The following OR8D4 variants were observed in gnomAD, a reference collection of about 807,000 sequenced individuals.
The protein encoded by OR8D4 is olfactory receptor family 8 subfamily D member 4, also known as olfactory receptor 8D4.
For missense variants in OR8D4, 359 were observed against 372.6 expected (o/e 0.96, Z 0.30); for synonymous variants, 141 against 134.8 (o/e 1.05, Z -0.32).
Position 123,907,445 on chromosome 11 carries a change from C to A in OR8D4, c.*69C>A. 1 of 723,946 alleles carries A rather than the reference C, an allele frequency of 1.4e-6. No individual in the cohort carries two copies. The highest frequency in any genetic ancestry group is 2.2e-6 in the Non-Finnish European group (1 of 454,388). 44.8% of individuals were successfully genotyped at this position (723,946 alleles called of 1,614,324 possible). A position where few individuals can be genotyped will look rare whatever the true frequency, so the allele number is the denominator to read the frequency against. ...TTATATGTATATATTTATACCTTGA[C>A]TATTTAAAAGTAATTTGAGGTCCAG... On this transcript the variant is annotated 3_prime_UTR_variant, in exon 2 of 2. Coordinates refer to ENST00000641687, the MANE Select transcript of OR8D4 (RefSeq NM_001005197.2).
intron 1 of OR8D4, among the ~76,000 whole-genome samples, chr11:123,905,511 C>A (rs576866052): frequency 6.6e-6 from 1 of 152,220 alleles, no homozygotes; most frequent in East Asian, 1.9e-4. Context: ...TAATGTAACA[C>A]CTTTTAACAT....
At chr11:123,906,049 A>G (rs76789350) in intron 1 of OR8D4, 37,075 of 178,464 alleles carry the variant, frequency 0.21, 4,237 homozygotes, top group African/African-American at 0.3. Context: ...GTATTTTCCT[A>G]CTTTCTCTAA....
Position 123,906,829 on chromosome 11 carries a change from G to A in OR8D4, c.398G>A (p.Arg133Lys), listed in dbSNP as rs7926767. 1,113,649 of 1,613,426 alleles carry A rather than the reference G, an allele frequency of 0.69. 385,844 individuals carry two copies. The highest frequency in any genetic ancestry group is 0.82 in the Admixed American group (49,235 of 59,988). ...GCCATCTGCAGCCCACTGCTCTACA[G>A]GGTCATCATGTCCCCTAGGGTCTGT... ...YVAICSPLLY[R>K]VIMSPRVCSL... The change falls in exon 2 of 2, where the codon AGG becomes AAG. Residue 133 changes from arginine (R) to lysine (K), a missense_variant. Coordinates refer to ENST00000641687, the MANE Select transcript of OR8D4 (RefSeq NM_001005197.2).
rs780085052 is a variant in OR8D4 at position 123,907,396 on chromosome 11, C to A, written c.*20C>A. The A allele has an allele frequency of 1.5e-5, 15 of 969,774 alleles. No individual in the cohort carries two copies. The East Asian group carries it at 3.5e-4, about 22-fold the overall frequency. The allele number at this position is 969,774 out of a possible 1,614,324, so 60.1% of individuals were successfully genotyped here. A position where few individuals can be genotyped will look rare whatever the true frequency, so the allele number is the denominator to read the frequency against. ...GGATAAATATGCTCTTTATTAAGAT[C>A]TATTTCTGTATTCATAATCATGATT... On this transcript the variant is annotated 3_prime_UTR_variant, in exon 2 of 2. Coordinates refer to ENST00000641687, the MANE Select transcript of OR8D4 (RefSeq NM_001005197.2).
At position 123,907,324 on chromosome 11, in the gene OR8D4, G is replaced by A. The variant is rs7927385; in HGVS notation, c.893G>A (p.Arg298Lys). 0.68 allele frequency: 1,039,243 copies of A among 1,517,608 alleles called. 357,836 individuals are homozygous for A. Among genetic ancestry groups the A allele is most frequent in the Admixed American group, 0.81 (42,480 of 52,352 alleles). 94.0% of individuals were successfully genotyped at this position (1,517,608 alleles called of 1,614,324 possible). The stretch of plus-strand genomic sequence containing the variant: ...TATAGTCTGAGGAACAATGAAGTAA[G>A]AAATGCTCTGATGAAACTTTTAAGA... ...LIYSLRNNEVRNALMKLLRRK... is the reference protein window; with the variant it reads ...LIYSLRNNEVKNALMKLLRRK... The change falls in exon 2 of 2, where the codon AGA (arginine) becomes AAA (lysine). Residue 298 changes from arginine (R) to lysine (K), a missense_variant. Transcript: ENST00000641687.
chr11:123,903,761 A>C (rs1433752324), intron 1 of OR8D4, among the ~76,000 whole-genome samples: 3 of 152,200 alleles, frequency 2.0e-5, no homozygotes, highest in South Asian at 4.1e-4. Flanking sequence ...AACAGAATAC[A>C]ATTTGTTGCA....
Position 123,909,071 on chromosome 11 carries a change from G to A in OR8D4, c.*1695G>A, listed in dbSNP as rs1315822614. 6.6e-6 allele frequency: 1 copy of A among 152,196 alleles called. No homozygotes were observed. The highest frequency in any genetic ancestry group is 1.5e-5 in the Non-Finnish European group (1 of 68,022). 9.4% of individuals were successfully genotyped at this position (152,196 alleles called of 1,614,324 possible). On this transcript the variant is annotated 3_prime_UTR_variant, in exon 2 of 2. Transcript: ENST00000641687. ...TAGATATTTATGTGTGTGTATGTTTGTGGGAAGGGTTAGATAGGGAAAGAT... is the reference window on the plus strand; with the variant it reads ...TAGATATTTATGTGTGTGTATGTTTATGGGAAGGGTTAGATAGGGAAAGAT...
intron 1 of OR8D4, among the ~76,000 whole-genome samples, chr11:123,903,993 G>A (rs1364143216): frequency 6.6e-6 from 1 of 152,142 alleles, no homozygotes; most frequent in Non-Finnish European, 1.5e-5. Context: ...GAAGATCGAT[G>A]ACTTCAGCTC....
Position 123,907,120 on chromosome 11 carries a change from C to G in OR8D4, c.689C>G (p.Ser230Cys). The G allele has an allele frequency of 6.2e-7, 1 of 1,614,006 alleles. No individual in the cohort carries two copies. Among genetic ancestry groups the G allele is most frequent in the Non-Finnish European group, 8.5e-7 (1 of 1,179,944 alleles). ...FILTSILRIH[S>C]KKGRCKAFST... is the part of the protein sequence containing the mutation. ...CTCACCAGCATCCTGCGCATCCACT[C>G]TAAAAAGGGCAGGTGCAAAGCGTTT... The change falls in exon 2 of 2, where the codon TCT (serine) becomes TGT (cysteine). Residue 230 changes from serine to cysteine, a missense_variant. Transcript: ENST00000641687.
At chr11:123,905,851 C>T (rs1325120826) in intron 1 of OR8D4, among the ~76,000 whole-genome samples, 1 of 152,172 alleles carries the variant, frequency 6.6e-6, no homozygotes, top group Non-Finnish European at 1.5e-5. Context: ...GCACAAATAA[C>T]TCACAGTCTT....
chr11:123,902,863 T>C (rs1466333630), intron 1 of OR8D4, among the ~76,000 whole-genome samples: 1 of 152,170 alleles, frequency 6.6e-6, no homozygotes, highest in Non-Finnish European at 1.5e-5. Context: ...TGGCCGGGTA[T>C]AAAATACACT....
At chr11:123,906,392 G>T in intron 1 of OR8D4, 25 bp from the exon 2 acceptor site, 1 of 1,306,406 alleles carries the variant, frequency 7.7e-7, no homozygotes, top group Non-Finnish European at 1.1e-6. Context: ...GATAGAATTT[G>T]ACTTTTTCTC....
rs1469374748 is a variant in OR8D4 at position 123,909,149 on chromosome 11, TTA to T, written c.*1775_*1776del. 3 of 152,158 alleles carry T rather than the reference TTA, an allele frequency of 2.0e-5. No homozygotes were observed. Among genetic ancestry groups the T allele is most frequent in the African/African-American group, 7.2e-5 (3 of 41,442 alleles). The allele number at this position is 152,158 out of a possible 1,614,324, so 9.4% of individuals were successfully genotyped here. ...GAGGGTACTTTTGATGCTGTTAAAC[TTA>T]TTTTGGTAAGAAACAATGTGATTTT... On this transcript the variant is annotated 3_prime_UTR_variant, in exon 2 of 2. Transcript: ENST00000641687.
chr11:123,904,216 G>C (rs1206998945), intron 1 of OR8D4, among the ~76,000 whole-genome samples: 1 of 152,128 alleles, frequency 6.6e-6, no homozygotes, highest in Non-Finnish European at 1.5e-5. Context: ...GTTTTAGAAA[G>C]TGAGAACACA....
rs1427168716 is a variant in OR8D4, at chr11:123,909,152, T to G, written c.*1776T>G. ...GGTACTTTTGATGCTGTTAAACTTATTTTGGTAAGAAACAATGTGATTTTA... is the reference window on the plus strand; with the variant it reads ...GGTACTTTTGATGCTGTTAAACTTAGTTTGGTAAGAAACAATGTGATTTTA... On this transcript the variant is annotated 3_prime_UTR_variant, in exon 2 of 2. Transcript: ENST00000641687. 2 of 152,102 alleles carry G rather than the reference T, an allele frequency of 1.3e-5. No individual in the cohort carries two copies. Among genetic ancestry groups the G allele is most frequent in the Admixed American group, 6.6e-5 (1 of 15,262 alleles). The allele number at this position is 152,102 out of a possible 1,614,324, so 9.4% of individuals were successfully genotyped here. A position where few individuals can be genotyped will look rare whatever the true frequency, so the allele number is the denominator to read the frequency against.
At chr11:123,906,029 C>G (rs1400419488) in intron 1 of OR8D4, 1 of 172,402 alleles carries the variant, frequency 5.8e-6, no homozygotes, top group African/African-American at 2.4e-5. Context: ...CTCGTTGTCT[C>G]CCTGGCAACG....
intron 1 of OR8D4, among the ~76,000 whole-genome samples, chr11:123,902,523 TTATAA>T (rs989201383): frequency 6.6e-6 from 1 of 152,184 alleles, no homozygotes; most frequent in African/African-American, 2.4e-5. Context: ...TATGTGAACC[TTATAA>T]TATGTAAAAT....
In OR8D4 at chr11:123,906,561, A is replaced by C. The variant is rs61734934; in HGVS notation, c.130A>C (p.Ser44Arg). 6.2e-4 allele frequency: 998 copies of C among 1,613,910 alleles called. 4 individuals carry two copies. In the African/African-American group the frequency reaches 0.011, roughly 17 times the overall value. Residue 44 changes from serine (S) to arginine (R), a missense_variant, in exon 2 of 2, where the codon AGC becomes CGC. Coordinates refer to ENST00000641687, the MANE Select transcript of OR8D4 (RefSeq NM_001005197.2). ...IYTVTVVGNL[S>R]MISIIRLNRQ... is the part of the protein sequence containing the mutation. ...CACAGTTACTGTGGTGGGAAACCTC[A>C]GCATGATCTCAATTATTAGGCTGAA...
chr11:123,906,725 G>A lies in OR8D4; in HGVS notation c.294G>A (p.Met98Ile). The part of the protein sequence containing the change: ...RDRSISYSGC[M>I]IQLFFFCVCV... ...GATCCATCTCCTATTCTGGATGCAT[G>A]ATTCAGCTGTTTTTTTTCTGTGTTT... Residue 98 changes from methionine to isoleucine, a missense_variant, in exon 2 of 2, where the codon ATG (methionine) becomes ATA (isoleucine). Met to Ile is a conservative substitution (Grantham distance 10, BLOSUM62 1). Transcript: ENST00000641687. 6.2e-7 allele frequency: 1 copy of A among 1,613,900 alleles called. No individual in the cohort carries two copies. Among genetic ancestry groups the A allele is most frequent in the Non-Finnish European group, 8.5e-7 (1 of 1,179,950 alleles).
Sources: gnomAD v4.1 joint callset for allele counts (sites outside exome capture counted in the v4.1 genomes callset) on GRCh38, gnomAD v4.1.1 for gene constraint, MANE v1.5 for transcripts, NCBI Gene and HGNC (gene_info 2026-07-23, HGNC 2026-07-21) for gene names.